The following ADAMTSL1 variants were observed in gnomAD, a reference collection of about 807,000 sequenced individuals.
The protein encoded by ADAMTSL1 is ADAMTS-like protein 1.
ADAMTSL1 carries 126 observed loss-of-function variants against 201.8 expected under a neutral mutation model. The ratio of observed to expected loss-of-function variants is 0.62; its 90% CI spans 0.54 to 0.72. The LOEUF (loss-of-function observed/expected upper bound fraction) is 0.72, where lower values mean the gene tolerates loss of function less well. ADAMTSL1 is among the 30% of genes least tolerant of loss of function. The pLI is 0.00. For missense variants in ADAMTSL1, 2,679 were observed against 2,277.8 expected, an observed-to-expected ratio of 1.18 and a Z score of -3.59; for synonymous variants, 1,121 against 903.4, an observed-to-expected ratio of 1.24 and a Z score of -4.32.
intron 1 of ADAMTSL1, among the ~76,000 whole-genome samples, chr9:18,099,008 T>A (rs1452552640): frequency 6.6e-6 from 1 of 152,120 alleles, no homozygotes; most frequent in African/African-American, 2.4e-5. Context: ...TATATTTGAT[T>A]CAGTTTTATC....
At chr9:18,426,638 C>CA (rs1819234673) in intron 2 of ADAMTSL1, among the ~76,000 whole-genome samples, 1 of 152,098 alleles carries the variant, frequency 6.6e-6, no homozygotes, top group African/African-American at 2.4e-5. Flanking sequence ...GGTAACCCAT[C>CA]AAAGATCACA....
At chr9:18,568,937 T>G in intron 3 of ADAMTSL1, among the ~76,000 whole-genome samples, 1 of 152,158 alleles carries the variant, frequency 6.6e-6, no homozygotes, top group Non-Finnish European at 1.5e-5. Context: ...GGTATGTCTC[T>G]CTAAAGGAAA....
intron 13 of ADAMTSL1, among the ~76,000 whole-genome samples, chr9:18,697,450 C>A (rs1246128710): frequency 6.6e-6 from 1 of 152,106 alleles, no homozygotes; most frequent in Non-Finnish European, 1.5e-5. Flanking sequence ...ACAAGACCAC[C>A]CCTGGAAATT....
chr9:18,859,433 T>G (rs1327809979), intron 23 of ADAMTSL1, among the ~76,000 whole-genome samples: 1 of 152,218 alleles, frequency 6.6e-6, no homozygotes, highest in Non-Finnish European at 1.5e-5. Flanking sequence ...ATCTCAGTAT[T>G]CTTTCTTAAT....
chr9:17,939,175 T>C (rs1827130954), intron 1 of ADAMTSL1, among the ~76,000 whole-genome samples: 1 of 152,172 alleles, frequency 6.6e-6, no homozygotes, highest in South Asian at 2.1e-4. Flanking sequence ...GAAAATTCTC[T>C]TTATCTCCAA....
intron 2 of ADAMTSL1, among the ~76,000 whole-genome samples, chr9:18,346,731 A>G (rs1166066968): frequency 6.6e-6 from 1 of 152,134 alleles, no homozygotes; most frequent in Non-Finnish European, 1.5e-5. Context: ...AAATCTTTAG[A>G]CGTTTTTGAA....
chr9:18,182,893 G>A (rs1318866412), intron 2 of ADAMTSL1, among the ~76,000 whole-genome samples: 1 of 152,120 alleles, frequency 6.6e-6, no homozygotes, highest in Non-Finnish European at 1.5e-5. Flanking sequence ...ACTGAAGCAG[G>A]AGCCATGGAC....
chr9:18,577,122 C>A (rs563056310), intron 4 of ADAMTSL1, among the ~76,000 whole-genome samples: 2 of 152,274 alleles, frequency 1.3e-5, no homozygotes, highest in Non-Finnish European at 2.9e-5. Context: ...ATTGAAAACA[C>A]TTTTCTTATG....
intron 2 of ADAMTSL1, among the ~76,000 whole-genome samples, chr9:18,307,502 T>C (rs1833954370): frequency 6.6e-6 from 1 of 151,982 alleles, no homozygotes; most frequent in African/African-American, 2.4e-5. Context: ...GAGGAATATT[T>C]AGCAAACAAA....
intron 1 of ADAMTSL1, among the ~76,000 whole-genome samples, chr9:18,055,269 A>G (rs1563973074): frequency 2.0e-5 from 3 of 152,206 alleles, no homozygotes; most frequent in South Asian, 2.1e-4. Flanking sequence ...TGTAAAATAT[A>G]AGACCTTGGG....
intron 2 of ADAMTSL1, among the ~76,000 whole-genome samples, chr9:18,199,967 C>G (rs568823175): frequency 6.6e-6 from 1 of 151,908 alleles, no homozygotes; most frequent in Non-Finnish European, 1.5e-5. Flanking sequence ...TGTCTCCAAG[C>G]TAATTATAGC....
chr9:18,659,416 T>G (rs1828919229), intron 8 of ADAMTSL1, among the ~76,000 whole-genome samples: 1 of 152,232 alleles, frequency 6.6e-6, no homozygotes, highest in African/African-American at 2.4e-5. Context: ...ATTCAACACT[T>G]TAAGCATTTC....
intron 20 of ADAMTSL1, among the ~76,000 whole-genome samples, chr9:18,797,971 G>A (rs1822537521): frequency 6.6e-6 from 1 of 152,024 alleles, no homozygotes; most frequent in Non-Finnish European, 1.5e-5. Flanking sequence ...TTTCAAGTAT[G>A]AACTTAGAAA....
intron 2 of ADAMTSL1, among the ~76,000 whole-genome samples, chr9:18,287,362 T>C (rs557522979): frequency 2.6e-5 from 4 of 152,018 alleles, no homozygotes; most frequent in Non-Finnish European, 4.4e-5. Flanking sequence ...CATACATACA[T>C]ATACACACAT....
At chr9:18,723,147 A>AT in intron 15 of ADAMTSL1, 1 of 731,700 alleles carries the variant, frequency 1.4e-6, no homozygotes, top group Non-Finnish European at 2.5e-6. Flanking sequence ...TTATGTTTCC[A>AT]CATCTGCAAA....
In ADAMTSL1 at chr9:18,372,848, A is replaced by G. The variant is rs534278291; in HGVS notation, c.208-131981A>G. 4.4e-4 allele frequency among the ~76,000 whole-genome samples: 67 copies of G among 152,306 alleles called. No individual in the cohort carries two copies. The South Asian group carries it at 0.012, about 28-fold the overall frequency. ...ATATGGGACAAATCATAATAAAATA[A>G]TAACCATAGCAAAAATAACACTAAA... is the stretch of plus-strand genomic sequence containing the variant. On this transcript the variant is annotated intron_variant, in intron 2 of 29. Transcript: ENST00000680146.
At chr9:17,946,956 A>C (rs912355294) in intron 1 of ADAMTSL1, among the ~76,000 whole-genome samples, 4 of 152,120 alleles carry the variant, frequency 2.6e-5, no homozygotes, top group African/African-American at 9.7e-5. Flanking sequence ...ATACCATTAT[A>C]GGACACTAGG....
chr9:18,150,997 A>G (rs1475145558), intron 1 of ADAMTSL1, among the ~76,000 whole-genome samples: 2 of 151,986 alleles, frequency 1.3e-5, no homozygotes, highest in African/African-American at 4.8e-5. Flanking sequence ...AGAATGAAGA[A>G]AGAAGCTAAC....
At chr9:18,224,815 A>G (rs73424983) in intron 2 of ADAMTSL1, among the ~76,000 whole-genome samples, 132 of 152,254 alleles carry the variant, frequency 8.7e-4, no homozygotes, top group African/African-American at 2.8e-3. Context: ...GGATTATACT[A>G]TACTGACAGT....
Sources: gnomAD v4.1 joint callset for allele counts (sites outside exome capture counted in the v4.1 genomes callset) on GRCh38, gnomAD v4.1.1 for gene constraint, MANE v1.5 for transcripts, NCBI Gene and HGNC (gene_info 2026-07-23, HGNC 2026-07-21) for gene names.